Variants in SH3PXD2A observed in about 807,000 individuals in gnomAD.
The protein encoded by SH3PXD2A is SH3 and PX domain-containing protein 2A.
SH3PXD2A carries 32 observed loss-of-function variants against 115.2 expected under a neutral mutation model. The ratio of observed to expected loss-of-function variants is 0.28; its 90% CI spans 0.21 to 0.37. The LOEUF (loss-of-function observed/expected upper bound fraction) is 0.37. Ranked by LOEUF, SH3PXD2A falls within the 10% of genes least tolerant of loss-of-function variation. The pLI is 1.00. For missense variants in SH3PXD2A, 1,328 were observed against 1,498.7 expected, an observed-to-expected ratio of 0.89 and a Z score of 1.88; for synonymous variants, 610 against 629.1, an observed-to-expected ratio of 0.97 and a Z score of 0.45.
intron 2 of SH3PXD2A, among the ~76,000 whole-genome samples, chr10:103,771,738 A>AAC (rs3068820): frequency 0.094 from 13,378 of 142,656 alleles, 631 homozygotes; most frequent in Admixed American, 0.14. Flanking sequence ...CCGTCAAAAC[A>AAC]ACACACACAC....
intron 3 of SH3PXD2A, among the ~76,000 whole-genome samples, chr10:103,763,942 T>C (rs908038599): frequency 1.3e-5 from 2 of 152,234 alleles, no homozygotes; most frequent in African/African-American, 4.8e-5. Flanking sequence ...CACACATCTC[T>C]GCCTCACTTC....
intron 5 of SH3PXD2A, among the ~76,000 whole-genome samples, chr10:103,706,762 G>A (rs1446097461): frequency 6.6e-6 from 1 of 152,178 alleles, no homozygotes; most frequent in South Asian, 2.1e-4. Context: ...ATCCCTGCCT[G>A]GCAGGATAGG....
intron 8 of SH3PXD2A, among the ~76,000 whole-genome samples, chr10:103,651,389 C>G (rs935607267): frequency 6.6e-6 from 1 of 152,276 alleles, no homozygotes; most frequent in Non-Finnish European, 1.5e-5. Context: ...CCTGCTGCCC[C>G]TGGCCTTTCT....
chr10:103,819,207 T>C (rs537222831), intron 1 of SH3PXD2A, among the ~76,000 whole-genome samples: 1 of 152,162 alleles, frequency 6.6e-6, no homozygotes, highest in South Asian at 2.1e-4. Flanking sequence ...TCTGGTGTGG[T>C]GAGAAAGAGC....
intron 2 of SH3PXD2A, among the ~76,000 whole-genome samples, chr10:103,771,666 C>T (rs1035981267): frequency 7.9e-5 from 12 of 151,888 alleles, no homozygotes; most frequent in African/African-American, 2.4e-4. Context: ...ACCTCGGAGG[C>T]GGAAGCTGCT....
At chr10:103,607,912 T>G (rs375535104) in intron 13 of SH3PXD2A, among the ~76,000 whole-genome samples, 95 of 151,422 alleles carry the variant, frequency 6.3e-4, no homozygotes, top group African/African-American at 2.2e-3. Context: ...TGGATTGAGG[T>G]CGGTGCAAGA....
chr10:103,770,314 C>A lies in SH3PXD2A; in HGVS notation c.154-3145G>T, dbSNP rs190321333. Among the ~76,000 whole-genome samples the A allele has an allele frequency of 1.7e-3, 264 of 152,300 alleles. 3 individuals carry two copies. The highest frequency in any genetic ancestry group is 5.8e-3 in the African/African-American group (243 of 41,568). The stretch of plus-strand genomic sequence containing the variant: ...CCTCAAACTCCTGGGCTCAAGTGAT[C>A]CTCCCACTTCAGCCTCTGGTGTAAT... On this transcript the variant is annotated intron_variant, in intron 2 of 14. Transcript: ENST00000369774.
intron 7 of SH3PXD2A, chr10:103,661,996 G>T: frequency 1.0e-6 from 1 of 980,240 alleles, no homozygotes; most frequent in Non-Finnish European, 1.2e-6. Flanking sequence ...GGTACAGTCG[G>T]ACCAGCCTCA....
At chr10:103,850,771 T>C (rs1195118631) in intron 1 of SH3PXD2A, among the ~76,000 whole-genome samples, 3 of 152,210 alleles carry the variant, frequency 2.0e-5, no homozygotes, top group Non-Finnish European at 4.4e-5. Flanking sequence ...GCCGTCCTTC[T>C]TGCCTCAGTC....
chr10:103,677,494 CA>C (rs1190832114), intron 6 of SH3PXD2A, among the ~76,000 whole-genome samples: 1 of 152,220 alleles, frequency 6.6e-6, no homozygotes, highest in Admixed American at 6.5e-5. Context: ...TGGTGCAAGA[CA>C]GGGGTGGGGA....
At chr10:103,698,958 C>T (rs1379881282) in intron 5 of SH3PXD2A, among the ~76,000 whole-genome samples, 1 of 151,894 alleles carries the variant, frequency 6.6e-6, no homozygotes, top group Non-Finnish European at 1.5e-5. Context: ...GTGGACTGGG[C>T]AGTGAGGGTA....
chr10:103,838,940 G>A (rs2039570708), intron 1 of SH3PXD2A, among the ~76,000 whole-genome samples: 2 of 152,336 alleles, frequency 1.3e-5, no homozygotes, highest in African/African-American at 2.4e-5. Flanking sequence ...GAGCCAGGAA[G>A]AGGCCAAAAT....
chr10:103,683,727 C>A (rs1760065117), intron 6 of SH3PXD2A, among the ~76,000 whole-genome samples: 2 of 152,182 alleles, frequency 1.3e-5, no homozygotes, highest in South Asian at 4.1e-4. Context: ...AGCTCCACAT[C>A]CTTACTCATG....
Position 103,659,957 on chromosome 10 carries a change from G to A in SH3PXD2A, c.604+1026C>T, listed in dbSNP as rs1016273889. Among the ~76,000 whole-genome samples the A allele has an allele frequency of 3.3e-5, 5 of 152,256 alleles. No homozygotes were observed. In the East Asian group the frequency reaches 7.7e-4, roughly 23 times the overall value. On this transcript the variant is annotated intron_variant, in intron 8 of 14. Transcript: ENST00000369774. Reference sequence around the variant, plus strand: ...CTTCCCCGCAACCTCCCTGTGTCTCGATTCCTGTCTCTACGGAGCAGGCAC... The same window carrying A: ...CTTCCCCGCAACCTCCCTGTGTCTCAATTCCTGTCTCTACGGAGCAGGCAC...
At chr10:103,705,045 C>G (rs2037965043) in intron 5 of SH3PXD2A, among the ~76,000 whole-genome samples, 1 of 152,150 alleles carries the variant, frequency 6.6e-6, no homozygotes, top group Non-Finnish European at 1.5e-5. Context: ...CCTCCATGCT[C>G]CCAGCCTTCT....
rs566312321 is a variant in SH3PXD2A at position 103,747,566 on chromosome 10, T to C, written c.230-11758A>G. 3.3e-5 allele frequency among the ~76,000 whole-genome samples: 5 copies of C among 152,172 alleles called. No homozygotes were observed. The South Asian group carries it at 1.0e-3, about 32-fold the overall frequency. ...AGGCCTCTGGAGCTCAGAGAAACAC[T>C]GCAGAATGGCCCAGCCAGATGAGGA... On this transcript the variant is annotated intron_variant, in intron 3 of 14. Transcript: ENST00000369774.
At chr10:103,619,196 G>T (rs932429467) in intron 10 of SH3PXD2A, among the ~76,000 whole-genome samples, 2 of 152,230 alleles carry the variant, frequency 1.3e-5, no homozygotes, top group Non-Finnish European at 2.9e-5. Flanking sequence ...AAGGCGGCCT[G>T]AGAACCCTGC....
intron 3 of SH3PXD2A, among the ~76,000 whole-genome samples, chr10:103,759,086 A>G (rs1227269565): frequency 1.3e-5 from 2 of 152,118 alleles, no homozygotes; most frequent in Non-Finnish European, 2.9e-5. Context: ...CTAGTTAAAG[A>G]CATCCCTTCC....
At chr10:103,717,051 AC>A (rs1482766607) in intron 5 of SH3PXD2A, among the ~76,000 whole-genome samples, 2 of 152,180 alleles carry the variant, frequency 1.3e-5, no homozygotes, top group African/African-American at 4.8e-5. Context: ...CATCCTCGCA[AC>A]TGCCTTTGGA....
Sources: allele counts gnomAD v4.1 joint callset (sites outside exome capture counted in the v4.1 genomes callset), GRCh38; gene constraint gnomAD v4.1.1; transcripts MANE v1.5; gene names NCBI Gene and HGNC (gene_info 2026-07-23, HGNC 2026-07-21).